The following SDC2 variants were observed in gnomAD, a reference collection of about 807,000 sequenced individuals.
SDC2 encodes syndecan 2, also known as syndecan-2.
Under a neutral mutation model 22.2 loss-of-function variants are expected in SDC2, and 13 were observed. That is an observed-to-expected ratio of 0.59 (90% CI 0.38 to 0.93). The LOEUF (loss-of-function observed/expected upper bound fraction) is 0.93. Ranked by LOEUF, SDC2 falls within the 40% of genes least tolerant of loss-of-function variation. The pLI, the probability that SDC2 is intolerant of heterozygous loss-of-function variation, is 0.00. For synonymous variants in SDC2, 94 were observed against 92.8 expected (o/e 1.01, Z -0.07); for missense variants, 235 against 246.8 (o/e 0.95, Z 0.32).
chr8:96,540,361 T>TATATATA (rs1554601731), intron 1 of SDC2, among the ~76,000 whole-genome samples: 1 of 148,268 alleles, frequency 6.7e-6, no homozygotes, highest in Non-Finnish European at 1.5e-5. Context: ...TATATAAAAA[T>TATATATA]TAGTCGGGTG....
intron 3 of SDC2, among the ~76,000 whole-genome samples, chr8:96,606,271 A>AT (rs56276121): frequency 0.21 from 31,672 of 151,912 alleles, 3,529 homozygotes; most frequent in South Asian, 0.36. Context: ...AATTTTAAAA[A>AT]TTTTTTTGTA....
intron 1 of SDC2, among the ~76,000 whole-genome samples, chr8:96,573,941 A>G (rs1331587201): frequency 6.7e-6 from 1 of 150,066 alleles, no homozygotes; most frequent in East Asian, 2.0e-4. Context: ...CAGAACTAAA[A>G]CTCCTCTCTT....
chr8:96,504,610 G>A (rs1813211143), intron 1 of SDC2, among the ~76,000 whole-genome samples: 1 of 152,164 alleles, frequency 6.6e-6, no homozygotes. Context: ...TTGACCCATA[G>A]TAGGTGATTT....
chr8:96,496,790 C>G (rs1239842695), intron 1 of SDC2, among the ~76,000 whole-genome samples: 2 of 152,150 alleles, frequency 1.3e-5, no homozygotes. Context: ...AAGAGGTTCT[C>G]AGGAACTAAG....
chr8:96,531,053 C>T (rs1432257997), intron 1 of SDC2, among the ~76,000 whole-genome samples: 1 of 152,188 alleles, frequency 6.6e-6, no homozygotes, highest in Non-Finnish European at 1.5e-5. Flanking sequence ...CCCCTGAGGG[C>T]TGATGGGCAT....
intron 1 of SDC2, among the ~76,000 whole-genome samples, chr8:96,567,101 G>A (rs1563664339): frequency 6.6e-6 from 1 of 152,196 alleles, no homozygotes; most frequent in African/African-American, 2.4e-5. Flanking sequence ...TGATCCACCT[G>A]CCTCGGCTTC....
chr8:96,577,424 C>T lies in SDC2; in HGVS notation c.61-16056C>T, dbSNP rs141378937. On this transcript the variant is annotated intron_variant, in intron 1 of 4. Coordinates refer to ENST00000302190, the MANE Select transcript of SDC2 (RefSeq NM_002998.4). Reference sequence around the variant, plus strand: ...TTTGATCATGAATAGACTATTTTTTCGGTAGAGTCTTAGATTTATCAAATA... The same window carrying T: ...TTTGATCATGAATAGACTATTTTTTTGGTAGAGTCTTAGATTTATCAAATA... 5.7e-4 allele frequency among the ~76,000 whole-genome samples: 86 copies of T among 152,142 alleles called. No homozygotes were observed. In the East Asian group the frequency reaches 0.015, roughly 27 times the overall value.
chr8:96,574,830 G>A (rs370030932), intron 1 of SDC2, among the ~76,000 whole-genome samples: 2 of 152,192 alleles, frequency 1.3e-5, no homozygotes, highest in African/African-American at 4.8e-5. Context: ...TAGACCAGTG[G>A]TCCCCAACCT....
At chr8:96,574,052 C>A (rs1814446892) in intron 1 of SDC2, among the ~76,000 whole-genome samples, 1 of 150,224 alleles carries the variant, frequency 6.7e-6, no homozygotes, top group South Asian at 2.1e-4. Context: ...CACACCCCCT[C>A]CCCTCTGCAT....
At position 96,602,437 on chromosome 8, in the gene SDC2, G is replaced by A. The variant is rs767729233; in HGVS notation, c.215G>A (p.Arg72Gln). The A allele has an allele frequency of 1.2e-5, 19 of 1,613,900 alleles. No individual in the cohort carries two copies. The East Asian group carries it at 1.3e-4, about 11-fold the overall frequency. ...GAGAGTCCAGAGCTGACAACATCTC[G>A]ACCACTTCCAAAGATACTGTTGACT... is the stretch of plus-strand genomic sequence containing the variant. ...DVESPELTTS[R>Q]PLPKILLTSA... Residue 72 changes from arginine (R) to glutamine (Q), a missense_variant, in exon 3 of 5, where the codon CGA becomes CAA. Physicochemically the swap from Arg to Gln is conservative, Grantham distance 43. Coordinates refer to ENST00000302190, the MANE Select transcript of SDC2 (RefSeq NM_002998.4).
intron 1 of SDC2, among the ~76,000 whole-genome samples, chr8:96,588,221 G>A (rs1814719254): frequency 6.6e-6 from 1 of 152,134 alleles, no homozygotes; most frequent in Non-Finnish European, 1.5e-5. Context: ...CTACTCTGGT[G>A]TTCTGTTTCT....
chr8:96,608,483 G>C lies in SDC2; in HGVS notation c.442+13G>C, dbSNP rs2575740. ...GAAGTCCTAGCAGGTGAGTAGCCTG[G>C]TGGGCCTCAGGTGGGAGGGTGCCTA... On this transcript the variant is annotated intron_variant, in intron 4 of 4. Transcript: ENST00000302190. 6.2e-3 allele frequency: 9,988 copies of C among 1,606,292 alleles called. 470 individuals carry two copies. In the African/African-American group the frequency reaches 0.1, roughly 17 times the overall value.
intron 1 of SDC2, among the ~76,000 whole-genome samples, chr8:96,588,695 T>G (rs1299269536): frequency 6.6e-6 from 1 of 152,238 alleles, no homozygotes; most frequent in East Asian, 1.9e-4. Flanking sequence ...TATCCATAAT[T>G]AAGTTTTCTA....
At chr8:96,542,967 G>A (rs1175145698) in intron 1 of SDC2, among the ~76,000 whole-genome samples, 3 of 152,174 alleles carry the variant, frequency 2.0e-5, no homozygotes, top group Non-Finnish European at 4.4e-5. Context: ...TTATACAGGG[G>A]AAGGTGGGGA....
At chr8:96,511,407 A>T (rs111790010) in intron 1 of SDC2, among the ~76,000 whole-genome samples, 3 of 152,346 alleles carry the variant, frequency 2.0e-5, no homozygotes, top group African/African-American at 7.2e-5. Flanking sequence ...CCTGAGACTT[A>T]CTGAATCGTA....
At chr8:96,581,079 GA>G (rs1398679481) in intron 1 of SDC2, among the ~76,000 whole-genome samples, 1 of 152,008 alleles carries the variant, frequency 6.6e-6, no homozygotes, top group African/African-American at 2.4e-5. Context: ...CATATTTTTA[GA>G]AAATGAAATG....
intron 2 of SDC2, among the ~76,000 whole-genome samples, chr8:96,595,040 C>A (rs1370073296): frequency 6.6e-6 from 1 of 152,166 alleles, no homozygotes; most frequent in African/African-American, 2.4e-5. Context: ...ACCATATCAA[C>A]CCCCAAGAAG....
intron 1 of SDC2, among the ~76,000 whole-genome samples, chr8:96,500,676 A>C (rs1199650939): frequency 6.6e-6 from 1 of 151,928 alleles, no homozygotes; most frequent in Non-Finnish European, 1.5e-5. Context: ...AAAAAAAAAA[A>C]AAAAAGAGTG....
At chr8:96,607,702 C>G (rs1421655882) in intron 3 of SDC2, among the ~76,000 whole-genome samples, 1 of 152,010 alleles carries the variant, frequency 6.6e-6, no homozygotes, top group African/African-American at 2.4e-5. Context: ...GAGTGTCGTT[C>G]ATTAGACAGG....
Sources: gnomAD v4.1 joint callset for allele counts (sites outside exome capture counted in the v4.1 genomes callset) on GRCh38, gnomAD v4.1.1 for gene constraint, MANE v1.5 for transcripts, NCBI Gene and HGNC (gene_info 2026-07-23, HGNC 2026-07-21) for gene names.